The following NUP88 variants were observed in gnomAD, a reference collection of about 807,000 sequenced individuals.
NUP88 encodes the protein nucleoporin 88.
NUP88 carries 57 observed loss-of-function variants against 93.9 expected under a neutral mutation model. That is an observed-to-expected ratio of 0.61 (90% confidence interval 0.49 to 0.76). The LOEUF is 0.76. Among genes scored for constraint, NUP88 ranks in the 30% least tolerant of loss-of-function variants. The probability of loss-of-function intolerance (pLI) is 0.00; values close to 1 mark genes in which losing one functional copy is unlikely to be tolerated. For synonymous variants in NUP88, 346 were observed against 336.8 expected, an observed-to-expected ratio of 1.03 and a Z score of -0.30; for missense variants, 911 against 901.0, an observed-to-expected ratio of 1.01 and a Z score of -0.14.
chr17:5,395,993 C>A (rs142558482), intron 8 of NUP88, among the ~76,000 whole-genome samples: 480 of 152,026 alleles, frequency 3.2e-3, no homozygotes, highest in South Asian at 0.015. Context: ...GGTGGATCAC[C>A]CGAGGTCAGG....
chr17:5,400,388 C>T lies in NUP88; in HGVS notation c.1193-738G>A, dbSNP rs552989139. On this transcript the variant is annotated intron_variant, in intron 7 of 16. Transcript: ENST00000573584. ...GCATGCACCTGTGATCCCAGCTACT[C>T]GGGAGGCTGAGGCAGGAGAATCACT... 3.3e-5 allele frequency among the ~76,000 whole-genome samples: 5 copies of T among 149,636 alleles called. No homozygotes were observed. In the East Asian group the frequency reaches 5.9e-4, roughly 18 times the overall value.
At chr17:5,396,709 T>C (rs192513871) in intron 8 of NUP88, among the ~76,000 whole-genome samples, 3 of 152,230 alleles carry the variant, frequency 2.0e-5, no homozygotes, top group African/African-American at 7.2e-5. Flanking sequence ...AACTGCCAGA[T>C]TGTTTTCCAA....
chr17:5,419,282 A>G (rs1391201893), intron 1 of NUP88, 72 bp downstream of exon 1: 2 of 1,450,886 alleles, frequency 1.4e-6, no homozygotes, highest in African/African-American at 1.4e-5. Context: ...AAAACAGCCA[A>G]GAGGAGCAAG....
intron 5 of NUP88, among the ~76,000 whole-genome samples, 200 bp from the exon 6 acceptor site, chr17:5,405,443 C>T (rs1455534889): frequency 6.6e-6 from 1 of 152,158 alleles, no homozygotes; most frequent in Non-Finnish European, 1.5e-5. Flanking sequence ...TTTGCCCTAG[C>T]GGACAGTGGC....
At position 5,408,856 on chromosome 17, in the gene NUP88, G is replaced by A. The variant is rs1404053287; in HGVS notation, c.734C>T (p.Pro245Leu). The A allele has an allele frequency of 6.2e-7, 1 of 1,613,832 alleles. No homozygotes were observed. The highest frequency in any genetic ancestry group is 1.3e-5 in the African/African-American group (1 of 74,910). Residue 245 changes from proline (P) to leucine (L), a missense_variant, in exon 5 of 17, where the codon CCA (proline) becomes CTA (leucine). Transcript: ENST00000573584. ...TAGAGTCTTTGGGACTGCTGCCAATGGCCCAAAGTCAAATGCAACTGCTGT... is the reference window on the plus strand; with the variant it reads ...TAGAGTCTTTGGGACTGCTGCCAATAGCCCAAAGTCAAATGCAACTGCTGT... ...GETAVAFDFG[P>L]LAAVPKTLFG...
intron 8 of NUP88, among the ~76,000 whole-genome samples, chr17:5,395,810 G>A (rs941393464): frequency 1.2e-4 from 18 of 151,898 alleles, no homozygotes; most frequent in Admixed American, 5.9e-4. Flanking sequence ...GAACCACCAC[G>A]CCTGGCCTGT....
At chr17:5,399,190 C>CTT (rs536801907) in intron 8 of NUP88, among the ~76,000 whole-genome samples, 5 of 123,466 alleles carry the variant, frequency 4.0e-5, no homozygotes, top group Admixed American at 1.7e-4. Flanking sequence ...CGCACCCGGC[C>CTT]TTTTTTTTTT....
intron 16 of NUP88, 139 bp downstream of exon 16, chr17:5,386,569 G>T: frequency 1.4e-6 from 1 of 714,880 alleles, no homozygotes. Flanking sequence ...AAGTCCCTAT[G>T]TATCATGTGG....
chr17:5,416,221 C>T (rs1218125561), intron 2 of NUP88, among the ~76,000 whole-genome samples: 1 of 142,848 alleles, frequency 7.0e-6, no homozygotes, highest in Non-Finnish European at 1.5e-5. Context: ...AATACTTACA[C>T]TTCTGGCAAA....
intron 2 of NUP88, among the ~76,000 whole-genome samples, chr17:5,415,823 A>C (rs778277924): frequency 1.3e-5 from 2 of 152,042 alleles, no homozygotes; most frequent in African/African-American, 2.4e-5. Flanking sequence ...TTTCAGATTC[A>C]CTTTTCTGGA....
intron 7 of NUP88, among the ~76,000 whole-genome samples, chr17:5,400,140 T>TAAAAAAAAAAAAAA (rs1280995996): frequency 8.3e-6 from 1 of 120,628 alleles, no homozygotes; most frequent in African/African-American, 3.1e-5. Flanking sequence ...TTTCATTTGT[T>TAAAAAAAAAAAAAA]AAAAAAAAAA....
chr17:5,400,139 T>TAAAAAAAAAAAAAAAAAAAAAAA (rs199804588), intron 7 of NUP88, among the ~76,000 whole-genome samples: 2 of 111,612 alleles, frequency 1.8e-5, no homozygotes, highest in African/African-American at 3.4e-5. Context: ...CTTTCATTTG[T>TAAAAAAAAAAAAAAAAAAAAAAA]TAAAAAAAAA....
intron 15 of NUP88, 75 bp from the exon 16 acceptor site, chr17:5,386,901 T>C: frequency 1.3e-6 from 2 of 1,587,388 alleles, no homozygotes; most frequent in Non-Finnish European, 1.7e-6. Context: ...GAATCTGTTC[T>C]TTTTACATTT....
Position 5,386,050 on chromosome 17 carries a change from T to C in NUP88, c.*156A>G. 1.7e-6 allele frequency: 1 copy of C among 576,932 alleles called. No individual in the cohort carries two copies. Among genetic ancestry groups the C allele is most frequent in the Non-Finnish European group, 3.0e-6 (1 of 328,264 alleles). The allele number at this position is 576,932 out of a possible 1,614,324, so 35.7% of individuals were successfully genotyped here. On this transcript the variant is annotated 3_prime_UTR_variant, in exon 17 of 17. Coordinates refer to ENST00000573584, the MANE Select transcript of NUP88 (RefSeq NM_002532.6). ...ATTCCAAATTTTAAATAAAAGCATT[T>C]ACTCAATTATTATAAAACAACATAT...
rs937185311 is a variant in NUP88 at position 5,385,131 on chromosome 17, T to C, written c.*1075A>G. 1 of 229,532 alleles carries C rather than the reference T, an allele frequency of 4.4e-6. No homozygotes were observed. The highest frequency in any genetic ancestry group is 2.2e-5 in the African/African-American group (1 of 45,166). 14.2% of individuals were successfully genotyped at this position (229,532 alleles called of 1,614,324 possible). The stretch of plus-strand genomic sequence containing the variant: ...TCTCTACTGTGGCAAATGCCAACTG[T>C]TGGAATTCACTTTATTGTAGAAAAA... On this transcript the variant is annotated 3_prime_UTR_variant, in exon 17 of 17. Transcript: ENST00000573584.
At chr17:5,403,803 A>G (rs555002928) in intron 7 of NUP88, among the ~76,000 whole-genome samples, 1 of 152,322 alleles carries the variant, frequency 6.6e-6, no homozygotes, top group Admixed American at 6.5e-5. Context: ...TCCTTTTGAC[A>G]TACCCAGTAG....
At chr17:5,413,681 A>G (rs938126002) in intron 3 of NUP88, among the ~76,000 whole-genome samples, 1 of 152,202 alleles carries the variant, frequency 6.6e-6, no homozygotes, top group Non-Finnish European at 1.5e-5. Flanking sequence ...CAATAATTCA[A>G]ATCTCTAAAT....
At chr17:5,393,663 C>G (rs1303235988) in intron 9 of NUP88, among the ~76,000 whole-genome samples, 2 of 152,018 alleles carry the variant, frequency 1.3e-5, no homozygotes, top group Non-Finnish European at 2.9e-5. Context: ...GTCTTGCACT[C>G]CTGACCGTGT....
At chr17:5,394,809 G>C (rs1345476214) in intron 9 of NUP88, 82 bp downstream of exon 9, 1 of 900,226 alleles carries the variant, frequency 1.1e-6, no homozygotes, top group Non-Finnish European at 1.8e-6. Flanking sequence ...TACTGTGGAT[G>C]TGAGTGTAAC....
Sources: allele counts gnomAD v4.1 joint callset (sites outside exome capture counted in the v4.1 genomes callset), GRCh38; gene constraint gnomAD v4.1.1; transcripts MANE v1.5; gene names NCBI Gene and HGNC (gene_info 2026-07-23, HGNC 2026-07-21).